ANK2: variants seen among roughly 807,000 people sequenced by gnomAD.
ANK2 encodes ankyrin-2.
Under a neutral mutation model 360.5 loss-of-function variants are expected in ANK2, and 83 were observed. That is an observed-to-expected ratio of 0.23 (90% confidence interval 0.19 to 0.28). The LOEUF is 0.28. Among genes scored for constraint, ANK2 ranks in the 10% least tolerant of loss-of-function variants. The pLI is 1.00. For synonymous variants in ANK2, 1,740 were observed against 1,759.5 expected (o/e 0.99, Z 0.28); for missense variants, 4,201 against 4,795.7 (o/e 0.88, Z 3.66).
chr4:112,720,172 T>G, the ANK2 span, among the ~76,000 whole-genome samples: 1 of 152,224 alleles, frequency 6.6e-6, no homozygotes, highest in African/African-American at 2.4e-5. Flanking sequence ...CATATTTATA[T>G]TTCTTCCCAG....
chr4:113,371,122 TAAAC>T (rs2096724145), intron 43 of ANK2, among the ~76,000 whole-genome samples: 1 of 152,268 alleles, frequency 6.6e-6, no homozygotes, highest in Middle Eastern at 3.4e-3. Context: ...AAAGAAGAGT[TAAAC>T]AAAATAATTG....
At chr4:112,749,987 G>A in the ANK2 span, among the ~76,000 whole-genome samples, 12 of 152,060 alleles carry the variant, frequency 7.9e-5, no homozygotes, top group Non-Finnish European at 1.6e-4. Flanking sequence ...CCCGTGATCC[G>A]CCCTCCTTGG....
intron 2 of ANK2, among the ~76,000 whole-genome samples, chr4:112,936,112 T>A (rs1265307322): frequency 3.3e-5 from 5 of 152,178 alleles, no homozygotes; most frequent in African/African-American, 1.2e-4. Context: ...CCACCTATAG[T>A]GTAGGCAGCT....
At chr4:113,235,561 T>A (rs1221983306) in intron 5 of ANK2, among the ~76,000 whole-genome samples, 3 of 152,088 alleles carry the variant, frequency 2.0e-5, no homozygotes, top group Non-Finnish European at 2.9e-5. Flanking sequence ...CCCAAGTAGC[T>A]GGGATTACAG....
chr4:112,764,641 C>T, the ANK2 span, among the ~76,000 whole-genome samples: 1 of 149,794 alleles, frequency 6.7e-6, no homozygotes, highest in African/African-American at 2.5e-5. Context: ...CGTACCTGGT[C>T]CAATTTCTTT....
chr4:112,732,371 C>T, the ANK2 span, among the ~76,000 whole-genome samples: 1 of 144,976 alleles, frequency 6.9e-6, no homozygotes, highest in African/African-American at 2.6e-5. Flanking sequence ...CAATCCTGTT[C>T]CCGAGTAGCT....
At position 113,354,832 on chromosome 4, in the gene ANK2, T is replaced by G. The variant is rs996342407; in HGVS notation, c.6214T>G (p.Ser2072Ala). ...ATCCAAAAGAGGAGTTCGTGTTTCC[T>G]CCATAGGAGTTAAGAAAGAAGATGC... ...AESKRGVRVS[S>A]IGVKKEDAAG... The change falls in exon 38 of 46, where the codon TCC becomes GCC. Residue 2072 changes from serine (S) to alanine (A), a missense_variant. Transcript: ENST00000357077. 14 of 1,613,974 alleles carry G rather than the reference T, an allele frequency of 8.7e-6. No homozygotes were observed. Among genetic ancestry groups the G allele is most frequent in the African/African-American group, 1.3e-5 (1 of 74,904 alleles).
the ANK2 span, among the ~76,000 whole-genome samples, chr4:112,717,232 A>T: frequency 6.6e-6 from 1 of 152,300 alleles, no homozygotes; most frequent in Non-Finnish European, 1.5e-5. Flanking sequence ...ATAAATGTAG[A>T]AGCTGCCTGT....
chr4:112,890,704 A>G (rs183928715), intron 1 of ANK2, among the ~76,000 whole-genome samples: 2,542 of 151,610 alleles, frequency 0.017, 36 homozygotes, highest in Middle Eastern at 0.031. Flanking sequence ...AGTAGCTGGG[A>G]TTACAGGCAT....
At position 113,249,642 on chromosome 4, in the gene ANK2, C is replaced by T. The variant is rs890263051; in HGVS notation, c.892-122C>T. 7 of 874,206 alleles carry T rather than the reference C, an allele frequency of 8.0e-6. No homozygotes were observed. In the African/African-American group the frequency reaches 1.2e-4, roughly 15 times the overall value. The allele number at this position is 874,206 out of a possible 1,614,324, so 54.2% of individuals were successfully genotyped here. A position where few individuals can be genotyped will look rare whatever the true frequency, so the allele number is the denominator to read the frequency against. On this transcript the variant is annotated intron_variant, in intron 9 of 45. Transcript: ENST00000357077. ...TCTGGTTATTTAACAAATTGCAGTT[C>T]TATTACTTATTTATTGAGTAATCAG...
chr4:112,763,377 C>T, the ANK2 span, among the ~76,000 whole-genome samples: 1 of 151,946 alleles, frequency 6.6e-6, no homozygotes, highest in African/African-American at 2.4e-5. Context: ...TACAGGTGCC[C>T]GCCACCACGG....
chr4:113,220,091 T>C (rs2099133271), intron 4 of ANK2, among the ~76,000 whole-genome samples: 1 of 152,240 alleles, frequency 6.6e-6, no homozygotes, highest in African/African-American at 2.4e-5. Context: ...TATCCTCACC[T>C]GGCTTTCCTT....
At chr4:112,972,496 C>A (rs960767045) in intron 2 of ANK2, among the ~76,000 whole-genome samples, 1 of 152,048 alleles carries the variant, frequency 6.6e-6, no homozygotes. Flanking sequence ...AGAGGAGACC[C>A]TGGGCCTGGT....
intron 16 of ANK2, 130 bp downstream of exon 16, chr4:113,278,065 G>C: frequency 2.2e-6 from 2 of 901,620 alleles, no homozygotes; most frequent in Non-Finnish European, 3.5e-6. Context: ...AAATAGACAT[G>C]GTGGCGATGT....
intron 2 of ANK2, among the ~76,000 whole-genome samples, chr4:112,987,011 A>G (rs934530433): frequency 6.6e-6 from 1 of 152,216 alleles, no homozygotes. Context: ...CATAAAATAC[A>G]CTAACAATAG....
intron 1 of ANK2, among the ~76,000 whole-genome samples, chr4:112,889,629 T>G: frequency 6.6e-6 from 1 of 152,230 alleles, no homozygotes; most frequent in East Asian, 1.9e-4. Flanking sequence ...ACTTTACAAA[T>G]TAATGTGAGA....
At chr4:112,911,080 C>T (rs2087088798) in intron 2 of ANK2, among the ~76,000 whole-genome samples, 1 of 150,986 alleles carries the variant, frequency 6.6e-6, no homozygotes, top group South Asian at 2.1e-4. Context: ...GCCTCAGCCT[C>T]CCGAGTAGCT....
Position 113,337,258 on chromosome 4 carries a change from G to A in ANK2, c.3796+477G>A, listed in dbSNP as rs571808245. 2.0e-4 allele frequency among the ~76,000 whole-genome samples: 31 copies of A among 152,294 alleles called. No homozygotes were observed. In the South Asian group the frequency reaches 6.2e-3, roughly 31 times the overall value. On this transcript the variant is annotated intron_variant, in intron 31 of 45. Coordinates refer to ENST00000357077, the MANE Select transcript of ANK2 (RefSeq NM_001148.6). ...ACCAAACTGTTATGTTATGGAATTG[G>A]TTATGTCTTTATCATTGATCTATTG... is the stretch of plus-strand genomic sequence containing the variant.
intron 2 of ANK2, among the ~76,000 whole-genome samples, chr4:112,993,381 C>T (rs562667763): frequency 4.6e-5 from 7 of 152,156 alleles, no homozygotes; most frequent in African/African-American, 1.4e-4. Flanking sequence ...TGGCTCACTG[C>T]AACCTCCACC....
Sources: allele counts gnomAD v4.1 joint callset (sites outside exome capture counted in the v4.1 genomes callset), GRCh38; gene constraint gnomAD v4.1.1; transcripts MANE v1.5; gene names NCBI Gene and HGNC (gene_info 2026-07-23, HGNC 2026-07-21).